QARS1: variants seen among roughly 807,000 people sequenced by gnomAD.
The protein encoded by QARS1 is glutaminyl-tRNA synthetase 1, also known as glutamine--tRNA ligase.
Under a neutral mutation model 106.9 loss-of-function variants are expected in QARS1, and 79 were observed. That is an observed-to-expected ratio of 0.74 (90% CI 0.62 to 0.89). QARS1 has a LOEUF of 0.89. Among genes scored for constraint, QARS1 ranks in the 40% least tolerant of loss-of-function variants. QARS1 has a pLI of 0.00. For missense variants in QARS1, 966 were observed against 997.2 expected, an observed-to-expected ratio of 0.97 and a Z score of 0.42; for synonymous variants, 395 against 367.7, an observed-to-expected ratio of 1.07 and a Z score of -0.85.
At position 49,098,016 on chromosome 3, in the gene QARS1, C is replaced by T; in HGVS notation, c.2253G>A (p.Val751=). ...FQFERLGYFS[V]DPDSHQGKLV... is the part of the protein sequence containing the mutation. ...CCTTTCCCTGATGGCTGTCTGGATCCACGGAGAAATATCCAAGACGCTCAA... is the reference window on the plus strand; with the variant it reads ...CCTTTCCCTGATGGCTGTCTGGATCTACGGAGAAATATCCAAGACGCTCAA... The change falls in exon 23 of 24, where the codon GTG becomes GTA. Residue 751 remains valine (V), a synonymous_variant. Coordinates refer to ENST00000306125, the MANE Select transcript of QARS1 (RefSeq NM_005051.3). 1 of 1,614,184 alleles carries T rather than the reference C, an allele frequency of 6.2e-7. No individual in the cohort carries two copies. Among genetic ancestry groups the T allele is most frequent in the Non-Finnish European group, 8.5e-7 (1 of 1,180,028 alleles).
Position 49,099,538 on chromosome 3 carries a change from G to A in QARS1, c.1498C>T (p.Leu500Phe). ...ACAGCACCAGTTGCTACAAGCTGGA[G>A]GATCTTCCTCTTAGAGACAACAGCA... ...HYAVVSKRKILQLVATGAVRD... is the reference protein window; with the variant it reads ...HYAVVSKRKIFQLVATGAVRD... Residue 500 changes from leucine (L) to phenylalanine (F), a missense_variant, in exon 16 of 24, where the codon CTC becomes TTC. Transcript: ENST00000306125. 1 of 1,614,204 alleles carries A rather than the reference G, an allele frequency of 6.2e-7. No individual in the cohort carries two copies. The highest frequency in any genetic ancestry group is 1.1e-5 in the South Asian group (1 of 91,092).
intron 23 of QARS1, among the ~76,000 whole-genome samples, chr3:49,097,563 G>A (rs1245335874): frequency 4.6e-5 from 7 of 151,568 alleles, no homozygotes; most frequent in Non-Finnish European, 8.8e-5. Flanking sequence ...TTGGGAGGCC[G>A]AGGCGGGCAG....
At chr3:49,096,116 G>C (rs991010881) in intron 23 of QARS1, 37 bp from the exon 24 acceptor site, 2 of 1,610,506 alleles carry the variant, frequency 1.2e-6, no homozygotes, top group African/African-American at 1.3e-5. Flanking sequence ...CACCAACCCA[G>C]AACAAGGCCA....
intron 2 of QARS1, 140 bp from the exon 3 acceptor site, chr3:49,104,112 G>A: frequency 8.9e-7 from 1 of 1,117,886 alleles, no homozygotes; most frequent in Non-Finnish European, 1.3e-6. Context: ...GAGAACACAG[G>A]GAAGAAAGAA....
Position 49,104,405 on chromosome 3 carries a change from G to A in QARS1, c.184C>T (p.Arg62Ter), listed in dbSNP as rs2042511461. 1 of 1,614,178 alleles carries A rather than the reference G, an allele frequency of 6.2e-7. No homozygotes were observed. Among genetic ancestry groups the A allele is most frequent in the South Asian group, 1.1e-5 (1 of 91,082 alleles). The change falls in exon 2 of 24, where the codon CGA (arginine) becomes TGA (stop). Residue 62 changes from arginine to a stop codon, truncating the protein, a stop_gained. Transcript: ENST00000306125. LOFTEE classifies it high-confidence loss of function. ...GAGAGACGCCGGGTATCCCTGAGTC[G>A]GGAGGCCAAGCCATATAACAGGATC... ...TGILLYGLASRLRDTRRLSFL... is the reference protein window; with the variant it reads ...TGILLYGLAS
chr3:49,101,830 G>C lies in QARS1; in HGVS notation c.701C>G (p.Pro234Arg). Reference protein sequence around the residue: ...LRGEALKFHKPGENYKTPGYV... With the variant: ...LRGEALKFHKRGENYKTPGYV... ...AGGGTTTTGACATGCCCACTAACCA[G>C]GCTTGTGGAACTTAAGGGCCTCCCC... The change falls in exon 8 of 24, where the codon CCT (proline) becomes CGT (arginine). Residue 234 changes from proline (P) to arginine (R), a missense_variant and splice_region_variant. Pro to Arg is a moderately radical substitution (Grantham distance 103, BLOSUM62 -2). Transcript: ENST00000306125. 6.2e-7 allele frequency: 1 copy of C among 1,612,322 alleles called. No homozygotes were observed. Among genetic ancestry groups the C allele is most frequent in the Non-Finnish European group, 8.5e-7 (1 of 1,179,088 alleles).
chr3:49,102,360 C>G, intron 6 of QARS1, 59 bp downstream of exon 6: 3 of 1,612,496 alleles, frequency 1.9e-6, no homozygotes, highest in Non-Finnish European at 2.5e-6. Context: ...CTTCCCCAGC[C>G]TGAAGTCTCA....
rs771043693 is a variant in QARS1, at chr3:49,103,716, G to C, written c.376-10C>G. 11 of 1,613,138 alleles carry C rather than the reference G, an allele frequency of 6.8e-6. No homozygotes were observed. The highest frequency in any genetic ancestry group is 9.3e-6 in the Non-Finnish European group (11 of 1,179,576). ...TAATAGCAGCCTCCACCTGCAGAAA[G>C]CCAAACCATGTGGTTCAGGAAAGCC... On this transcript the variant is annotated splice_polypyrimidine_tract_variant and intron_variant, in intron 3 of 23. Coordinates refer to ENST00000306125, the MANE Select transcript of QARS1 (RefSeq NM_005051.3).
At chr3:49,104,182 T>G in intron 2 of QARS1, 142 bp downstream of exon 2, 1 of 1,312,594 alleles carries the variant, frequency 7.6e-7, no homozygotes, top group Non-Finnish European at 1.1e-6. Context: ...AGTCTCACCA[T>G]AGGCCACCCC....
At chr3:49,101,309 C>T in intron 10 of QARS1, 46 bp downstream of exon 10, 1 of 1,414,958 alleles carries the variant, frequency 7.1e-7, no homozygotes, top group Non-Finnish European at 9.9e-7. Context: ...CTCATGGGAA[C>T]AGCAAGTGGT....
rs746386543 is a variant in QARS1 at position 49,100,614 on chromosome 3, T to C, written c.937A>G (p.Lys313Glu). ...DDTNPEKEEA[K>E]FFTAICDMVA... is the part of the protein sequence containing the mutation. ...ATGTCACAGATGGCCGTGAAGAACT[T>C]TGCTTCCTCCTTCTCAGGGTTGGTG... is the stretch of plus-strand genomic sequence containing the variant. Residue 313 changes from lysine to glutamate, a missense_variant, in exon 11 of 24, where the codon AAG (lysine) becomes GAG (glutamate). Physicochemically the swap from Lys to Glu is moderately conservative, Grantham distance 56 (BLOSUM62 1). Transcript: ENST00000306125. 1.2e-5 allele frequency: 20 copies of C among 1,611,260 alleles called. No individual in the cohort carries two copies. The East Asian group carries it at 2.7e-4, about 22-fold the overall frequency.
In QARS1 at chr3:49,098,707, T is replaced by C. The variant is rs374530633; in HGVS notation, c.1864-15A>G. The C allele has an allele frequency of 3.1e-4, 495 of 1,574,480 alleles. 1 individual carries two copies. The highest frequency in any genetic ancestry group is 3.8e-4 in the Non-Finnish European group (446 of 1,161,460). On this transcript the variant is annotated splice_polypyrimidine_tract_variant and intron_variant, in intron 19 of 23. Transcript: ENST00000306125. ...GGCTCTGGCTCCTAGAGATAGGAAG[T>C]GGGGTAGACACATGAGGCTGCAAGG...
Position 49,100,382 on chromosome 3 carries a change from G to T in QARS1, c.1053C>A (p.Arg351=). 1 of 1,614,242 alleles carries T rather than the reference G, an allele frequency of 6.2e-7. No homozygotes were observed. The highest frequency in any genetic ancestry group is 8.5e-7 in the Non-Finnish European group (1 of 1,180,044). The change falls in exon 12 of 24, where the codon CGC becomes CGA. Residue 351 remains arginine, a splice_region_variant and synonymous_variant. Coordinates refer to ENST00000306125, the MANE Select transcript of QARS1 (RefSeq NM_005051.3). ...CTACGTCATGGCCCTGGCCTTACCT[G>T]CGGATGAGCTCCACAGCCCACGCAT... ...QLYAWAVELI[R]RGLAYVCHQR... is the part of the protein sequence containing the mutation.
chr3:49,101,799 C>T, intron 8 of QARS1, 29 bp downstream of exon 8: 2 of 1,608,838 alleles, frequency 1.2e-6, no homozygotes, highest in Non-Finnish European at 1.7e-6. Context: ...AGATCCAGCC[C>T]TCCCCAGGGT....
chr3:49,104,234 G>A, intron 2 of QARS1, 90 bp downstream of exon 2: 1 of 1,550,152 alleles, frequency 6.5e-7, no homozygotes, highest in Non-Finnish European at 8.8e-7. Flanking sequence ...TGTCTAGAAA[G>A]AAACTGGAGG....
intron 2 of QARS1, 62 bp downstream of exon 2, chr3:49,104,262 G>A: frequency 6.3e-7 from 1 of 1,597,354 alleles, no homozygotes; most frequent in Admixed American, 1.7e-5. Flanking sequence ...AAAAAGGGAA[G>A]ACAGGGGTCT....
In QARS1 at chr3:49,099,022, A is replaced by G. The variant is rs184284090; in HGVS notation, c.1759-33T>C. 5.5e-5 allele frequency: 89 copies of G among 1,612,502 alleles called. No homozygotes were observed. In the Admixed American group the frequency reaches 8.5e-4, roughly 15 times the overall value. On this transcript the variant is annotated intron_variant, in intron 18 of 23. Transcript: ENST00000306125. ...AGGAGACAGGAGACAGGTATGAGTC[A>G]TACTCAGCATTAGGACCCCCATGCC...
chr3:49,102,019 G>C (rs2042478269), intron 7 of QARS1, 120 bp from the exon 8 acceptor site: 3 of 1,308,604 alleles, frequency 2.3e-6, no homozygotes, highest in Admixed American at 4.3e-5. Flanking sequence ...TCTAGAGCCA[G>C]ACATCTGAGG....
rs779575422 is a variant in QARS1, at chr3:49,100,430, C to T, written c.1005G>A (p.Ala335=). 67 of 1,614,094 alleles carry T rather than the reference C, an allele frequency of 4.2e-5. No individual in the cohort carries two copies. The highest frequency in any genetic ancestry group is 3.3e-4 in the Middle Eastern group (2 of 6,084). Reference sequence around the variant, plus strand: ...CATATAGCTGGTCAAAATAGTCAGACGCATATGTGACTTTGTAAGGTGTGT... The same window carrying T: ...CATATAGCTGGTCAAAATAGTCAGATGCATATGTGACTTTGTAAGGTGTGT... ...LGYTPYKVTY[A]SDYFDQLYAW... Residue 335 remains alanine (A), a synonymous_variant, in exon 12 of 24, where the codon GCG becomes GCA. Transcript: ENST00000306125.
Sources: gnomAD v4.1 joint callset for allele counts (sites outside exome capture counted in the v4.1 genomes callset) on GRCh38, gnomAD v4.1.1 for gene constraint, MANE v1.5 for transcripts, NCBI Gene and HGNC (gene_info 2026-07-23, HGNC 2026-07-21) for gene names.